The following SIPA1L3 variants were observed in gnomAD, a reference collection of about 807,000 sequenced individuals.
The protein encoded by SIPA1L3 is signal induced proliferation associated 1 like 3.
In SIPA1L3, 59 loss-of-function variants were observed where a neutral mutation model predicts 150.1. The observed-to-expected ratio is 0.39, with a 90% CI of 0.32 to 0.49. The LOEUF is 0.49. Ranked by LOEUF, SIPA1L3 falls within the 20% of genes least tolerant of loss-of-function variation. The pLI, the probability that SIPA1L3 is intolerant of heterozygous loss-of-function variation, is 0.86. For missense variants in SIPA1L3, 2,211 were observed against 2,489.5 expected (o/e 0.89, Z 2.38); for synonymous variants, 1,070 against 1,077.6 (o/e 0.99, Z 0.14).
intron 2 of SIPA1L3, among the ~76,000 whole-genome samples, chr19:38,074,794 T>C (rs1385683973): frequency 2.0e-5 from 3 of 152,270 alleles, no homozygotes; most frequent in Non-Finnish European, 2.9e-5. Context: ...AGATAGAGTC[T>C]TGCTCTATCA....
At chr19:38,051,464 C>T (rs180841352) in intron 2 of SIPA1L3, among the ~76,000 whole-genome samples, 1 of 152,266 alleles carries the variant, frequency 6.6e-6, no homozygotes, top group Admixed American at 6.5e-5. Flanking sequence ...TTGCTGGGTC[C>T]AGGGATATGC....
At chr19:37,945,674 G>A (rs1047245061) in intron 1 of SIPA1L3, among the ~76,000 whole-genome samples, 1 of 152,092 alleles carries the variant, frequency 6.6e-6, no homozygotes, top group Non-Finnish European at 1.5e-5. Context: ...CAAGGTCTGT[G>A]GCATTCTTTT....
intron 15 of SIPA1L3, among the ~76,000 whole-genome samples, chr19:38,167,191 C>G (rs1243384199): frequency 6.9e-6 from 1 of 145,936 alleles, no homozygotes; most frequent in Non-Finnish European, 1.5e-5. Context: ...CAAGATCATG[C>G]CACTGCACTC....
chr19:38,113,228 A>G (rs1362267643), intron 8 of SIPA1L3, among the ~76,000 whole-genome samples: 6 of 151,546 alleles, frequency 4.0e-5, no homozygotes, highest in Non-Finnish European at 7.4e-5. Flanking sequence ...GAAAAAAAAA[A>G]AAAGACTGAA....
intron 2 of SIPA1L3, among the ~76,000 whole-genome samples, chr19:38,056,829 G>A (rs1459309046): frequency 1.3e-5 from 2 of 152,122 alleles, no homozygotes; most frequent in Non-Finnish European, 2.9e-5. Flanking sequence ...TTTGGGAGGC[G>A]GGTGGATCAC....
intron 6 of SIPA1L3, among the ~76,000 whole-genome samples, chr19:38,103,230 C>T (rs929720668): frequency 1.3e-5 from 2 of 151,822 alleles, no homozygotes; most frequent in Admixed American, 6.6e-5. Context: ...ACGGTGCTCA[C>T]GTTAGAGTGT....
At chr19:37,948,323 G>T (rs1187793672) in intron 1 of SIPA1L3, among the ~76,000 whole-genome samples, 1 of 152,074 alleles carries the variant, frequency 6.6e-6, no homozygotes, top group Non-Finnish European at 1.5e-5. Flanking sequence ...AAAATTGGCT[G>T]GGCATGGTGG....
chr19:38,043,256 C>T (rs926739905), intron 2 of SIPA1L3, among the ~76,000 whole-genome samples: 2 of 152,216 alleles, frequency 1.3e-5, no homozygotes, highest in African/African-American at 4.8e-5. Context: ...AGGAGAATCG[C>T]TTGAACCTGG....
At chr19:38,163,792 A>G (rs1972145763) in intron 14 of SIPA1L3, among the ~76,000 whole-genome samples, 1 of 152,228 alleles carries the variant, frequency 6.6e-6, no homozygotes, top group African/African-American at 2.4e-5. Context: ...CCCAAGCATC[A>G]AAGCCCCATG....
At chr19:38,006,746 T>C (rs528686857) in intron 1 of SIPA1L3, among the ~76,000 whole-genome samples, 1 of 152,266 alleles carries the variant, frequency 6.6e-6, no homozygotes, top group African/African-American at 2.4e-5. Flanking sequence ...TGGCCATTCC[T>C]GTGAGTATGA....
chr19:38,076,922 A>G (rs1008122338), intron 2 of SIPA1L3, among the ~76,000 whole-genome samples: 1 of 152,236 alleles, frequency 6.6e-6, no homozygotes, highest in Non-Finnish European at 1.5e-5. Flanking sequence ...ATGTGGGTAC[A>G]GGATTGCTAT....
intron 2 of SIPA1L3, among the ~76,000 whole-genome samples, chr19:38,037,492 C>T (rs779084848): frequency 3.3e-5 from 5 of 152,076 alleles, no homozygotes; most frequent in African/African-American, 9.7e-5. Context: ...CAGATGGTGC[C>T]GGGTCTGGCT....
intron 1 of SIPA1L3, among the ~76,000 whole-genome samples, chr19:38,007,006 G>A (rs779992399): frequency 7.9e-5 from 12 of 152,212 alleles, no homozygotes; most frequent in Admixed American, 5.2e-4. Context: ...GGGGCCTTCC[G>A]TGTCTGTGGT....
At chr19:38,062,022 C>T (rs965593794) in intron 2 of SIPA1L3, among the ~76,000 whole-genome samples, 12 of 151,758 alleles carry the variant, frequency 7.9e-5, no homozygotes, top group African/African-American at 2.9e-4. Flanking sequence ...CCCCTCACCC[C>T]GATGAGTGCA....
intron 15 of SIPA1L3, among the ~76,000 whole-genome samples, chr19:38,168,781 A>G (rs905751792): frequency 2.6e-5 from 4 of 152,226 alleles, no homozygotes; most frequent in African/African-American, 7.2e-5. Context: ...AGCCCGCTGC[A>G]GAAGAGGGCC....
chr19:37,920,091 A>C (rs1599793378), intron 1 of SIPA1L3, among the ~76,000 whole-genome samples: 3 of 127,044 alleles, frequency 2.4e-5, no homozygotes, highest in African/African-American at 3.0e-5. Context: ...ATAGGGTCTC[A>C]CTCTATCACC....
Position 38,179,624 on chromosome 19 carries a change from T to C in SIPA1L3, c.4209-2895T>C, listed in dbSNP as rs1972515220. 2.6e-5 allele frequency among the ~76,000 whole-genome samples: 4 copies of C among 152,218 alleles called. 1 individual carries two copies. In the South Asian group the frequency reaches 8.3e-4, roughly 32 times the overall value. On this transcript the variant is annotated intron_variant, in intron 15 of 21. Coordinates refer to ENST00000222345, the MANE Select transcript of SIPA1L3 (RefSeq NM_015073.3). ...ATTTCCTTCTCCCTTTTTTGTGCTC[T>C]GTTTATCATAAACATCCATATGTGT...
At position 38,110,479 on chromosome 19, in the gene SIPA1L3, C is replaced by T. The variant is rs145171803; in HGVS notation, c.2291+95C>T. 366 of 1,013,166 alleles carry T rather than the reference C, an allele frequency of 3.6e-4. 1 individual carries two copies. Among genetic ancestry groups the T allele is most frequent in the Admixed American group, 4.8e-4 (22 of 45,504 alleles). 62.8% of individuals were successfully genotyped at this position (1,013,166 alleles called of 1,614,324 possible). A position where few individuals can be genotyped will look rare whatever the true frequency, so the allele number is the denominator to read the frequency against. ...CAGTACAGGGCCCCCCCACACCTCA[C>T]GTTGTGCTTCAGGAGAAGAGCTCGG... On this transcript the variant is annotated intron_variant, in intron 8 of 21. Transcript: ENST00000222345.
chr19:38,139,434 A>G (rs776510545), intron 10 of SIPA1L3, among the ~76,000 whole-genome samples: 1 of 152,136 alleles, frequency 6.6e-6, no homozygotes, highest in Non-Finnish European at 1.5e-5. Context: ...GCAGGCAGGA[A>G]TGGCAGGTGT....
Sources: allele counts gnomAD v4.1 joint callset (sites outside exome capture counted in the v4.1 genomes callset), GRCh38; gene constraint gnomAD v4.1.1; transcripts MANE v1.5; gene names NCBI Gene and HGNC (gene_info 2026-07-23, HGNC 2026-07-21).